Variants in CCT6B observed in about 807,000 individuals in gnomAD.
The protein encoded by CCT6B is probable T-complex protein 1 subunit zeta-2.
A neutral mutation model predicts 61.5 loss-of-function variants in CCT6B; 49 were observed. The observed-to-expected ratio is 0.80, with a 90% CI of 0.63 to 1.01. The LOEUF (loss-of-function observed/expected upper bound fraction) is 1.01. Ranked by LOEUF, CCT6B falls within the 50% of genes least tolerant of loss-of-function variation. CCT6B has a pLI of 0.00. For missense variants in CCT6B, 666 were observed against 634.7 expected (o/e 1.05, Z -0.53); for synonymous variants, 228 against 214.5 (o/e 1.06, Z -0.55).
intron 11 of CCT6B, among the ~76,000 whole-genome samples, chr17:34,931,879 A>G (rs1043488613): frequency 2.0e-5 from 3 of 152,166 alleles, no homozygotes; most frequent in African/African-American, 7.2e-5. Context: ...AGGTTGCCAC[A>G]TGGAAAAATT....
At chr17:34,940,488 T>C in intron 8 of CCT6B, 51 bp downstream of exon 8, 1 of 945,326 alleles carries the variant, frequency 1.1e-6, no homozygotes, top group Non-Finnish European at 1.6e-6. Flanking sequence ...ATGGGATAGT[T>C]TCCATTTACT....
In CCT6B at chr17:34,958,624, C is replaced by T. The variant is rs755288943; in HGVS notation, c.272G>A (p.Gly91Asp). ...AATAATTAGAACATTTGAAGTAGTA[C>T]CATCTCCTGTGACGTCATCCTGAGC... ...ATAQDDVTGD[G>D]TTSNVLIIGE... Residue 91 changes from glycine to aspartate, a missense_variant, in exon 3 of 14, where the codon GGT becomes GAT. By Grantham distance (94) the Gly-to-Asp change is moderately conservative. Coordinates refer to ENST00000314144, the MANE Select transcript of CCT6B (RefSeq NM_006584.4). 1.9e-6 allele frequency: 3 copies of T among 1,603,230 alleles called. No individual in the cohort carries two copies. Among genetic ancestry groups the T allele is most frequent in the East Asian group, 2.2e-5 (1 of 44,622 alleles).
At position 34,961,407 on chromosome 17, in the gene CCT6B, A is replaced by G; in HGVS notation, c.-14T>C. 1 of 1,576,564 alleles carries G rather than the reference A, an allele frequency of 6.3e-7. No individual in the cohort carries two copies. On this transcript the variant is annotated 5_prime_UTR_variant, in exon 1 of 14. Coordinates refer to ENST00000314144, the MANE Select transcript of CCT6B (RefSeq NM_006584.4). ...TATCGCAGCCATAGCCTAACCGTTCAGAGGGAGAAAAAAAAAAAGCCTTAG... is the reference window on the plus strand; with the variant it reads ...TATCGCAGCCATAGCCTAACCGTTCGGAGGGAGAAAAAAAAAAAGCCTTAG...
chr17:34,949,095 G>GGAAAAGCAAA, intron 5 of CCT6B, among the ~76,000 whole-genome samples: 1 of 86,360 alleles, frequency 1.2e-5, no homozygotes, highest in Middle Eastern at 7.7e-3. Flanking sequence ...GGGAGGGGAG[G>GGAAAAGCAAA]GAAAAGAAAA....
At chr17:34,954,748 C>A in intron 3 of CCT6B, 149 bp from the exon 4 acceptor site, 1 of 604,530 alleles carries the variant, frequency 1.7e-6, no homozygotes, top group Non-Finnish European at 2.7e-6. Flanking sequence ...CATTTTAGTG[C>A]TTCATACTTG....
chr17:34,936,094 GT>G (rs1387433778), intron 10 of CCT6B, among the ~76,000 whole-genome samples: 3 of 152,090 alleles, frequency 2.0e-5, no homozygotes, highest in Non-Finnish European at 4.4e-5. Context: ...GAGATTGCAG[GT>G]GCCTGCCACC....
intron 5 of CCT6B, chr17:34,943,644 T>C (rs1284597560): frequency 6.6e-6 from 1 of 151,988 alleles, no homozygotes; most frequent in Non-Finnish European, 1.5e-5. Context: ...GGGATAGCAT[T>C]AGGAGATATA....
At chr17:34,947,975 CAAAA>C (rs570493756) in intron 5 of CCT6B, among the ~76,000 whole-genome samples, 5 of 63,040 alleles carry the variant, frequency 7.9e-5, no homozygotes, top group Non-Finnish European at 6.8e-5. Context: ...CACTCCGTCT[CAAAA>C]AAAAAAAAAA....
chr17:34,959,703 G>T, intron 1 of CCT6B, 53 bp from the exon 2 acceptor site: 1 of 1,251,022 alleles, frequency 8.0e-7, no homozygotes, highest in Non-Finnish European at 1.2e-6. Context: ...CATTCCCAGT[G>T]CTTGCCACTC....
Position 34,952,058 on chromosome 17 carries a change from A to G in CCT6B, c.511-5T>C. On this transcript the variant is annotated splice_region_variant and splice_polypyrimidine_tract_variant and intron_variant, in intron 4 of 13. Coordinates refer to ENST00000314144, the MANE Select transcript of CCT6B (RefSeq NM_006584.4). ...CAAAACAGAATCCACCACAACCTGA[A>G]AGAGAAATGAATGAGAACAGTTAAG... 1.3e-6 allele frequency: 2 copies of G among 1,548,106 alleles called. No homozygotes were observed. The highest frequency in any genetic ancestry group is 1.8e-6 in the Non-Finnish European group (2 of 1,122,210).
chr17:34,940,652 CAT>C (rs773292589), intron 7 of CCT6B, 31 bp from the exon 8 acceptor site: 2 of 1,204,866 alleles, frequency 1.7e-6, no homozygotes, highest in South Asian at 1.4e-5. Flanking sequence ...AAATTATAAA[CAT>C]GTTTTAAACC....
At chr17:34,945,116 C>G (rs2090208982) in intron 5 of CCT6B, among the ~76,000 whole-genome samples, 1 of 152,192 alleles carries the variant, frequency 6.6e-6, no homozygotes, top group African/African-American at 2.4e-5. Flanking sequence ...TTCTCACTCC[C>G]TTTTGCTGAA....
chr17:34,942,422 C>T (rs1366085182), intron 7 of CCT6B, 62 bp downstream of exon 7: 2 of 1,383,264 alleles, frequency 1.4e-6, no homozygotes, highest in Non-Finnish European at 2.0e-6. Context: ...GTCCACAGAC[C>T]ACACTTCAAG....
At chr17:34,960,811 G>A (rs1388580849) in intron 1 of CCT6B, among the ~76,000 whole-genome samples, 1 of 152,106 alleles carries the variant, frequency 6.6e-6, no homozygotes, top group African/African-American at 2.4e-5. Flanking sequence ...CCATAGACAC[G>A]GGGTATTCAA....
At chr17:34,947,925 C>T (rs971553796) in intron 5 of CCT6B, among the ~76,000 whole-genome samples, 1 of 148,100 alleles carries the variant, frequency 6.8e-6, no homozygotes, top group African/African-American at 2.5e-5. Flanking sequence ...TGCAGTGAGC[C>T]GAGATCAAGC....
Position 34,961,353 on chromosome 17 carries a change from G to A in CCT6B, c.41C>T (p.Ala14Val), listed in dbSNP as rs1472897857. The part of the protein sequence containing the change: ...IKAVNSKAEV[A>V]RARAALAVNI... The stretch of plus-strand genomic sequence containing the variant: ...GACAGCCAAAGCTGCCCGGGCCCGC[G>A]CCACCTCAGCCTTGGAGTTGACGGC... Residue 14 changes from alanine (A) to valine (V), a missense_variant, in exon 1 of 14, where the codon GCG becomes GTG. Physicochemically the swap from Ala to Val is moderately conservative, Grantham distance 64. Coordinates refer to ENST00000314144, the MANE Select transcript of CCT6B (RefSeq NM_006584.4). 6.2e-7 allele frequency: 1 copy of A among 1,611,700 alleles called. No individual in the cohort carries two copies. Among genetic ancestry groups the A allele is most frequent in the Admixed American group, 1.7e-5 (1 of 59,928 alleles).
chr17:34,954,315 T>C, intron 4 of CCT6B, 111 bp downstream of exon 4: 2 of 757,630 alleles, frequency 2.6e-6, no homozygotes, highest in South Asian at 3.9e-5. Context: ...CTGTCTTCCA[T>C]ATTTTATGCC....
intron 3 of CCT6B, among the ~76,000 whole-genome samples, chr17:34,955,642 A>C (rs768138945): frequency 2.0e-5 from 3 of 152,218 alleles, no homozygotes; most frequent in Admixed American, 1.3e-4. Context: ...TAATACACAA[A>C]CTTTGTGAAA....
chr17:34,942,765 T>A, intron 6 of CCT6B, 31 bp downstream of exon 6: 2 of 1,535,998 alleles, frequency 1.3e-6, no homozygotes, highest in Non-Finnish European at 1.8e-6. Flanking sequence ...AAAAAAAAAT[T>A]CAAAAGTTAT....
Sources: allele counts gnomAD v4.1 joint callset (sites outside exome capture counted in the v4.1 genomes callset), GRCh38; gene constraint gnomAD v4.1.1; transcripts MANE v1.5; gene names NCBI Gene and HGNC (gene_info 2026-07-23, HGNC 2026-07-21).